The following CDH11 variants were observed in gnomAD, a reference collection of about 807,000 sequenced individuals.
CDH11 encodes cadherin-11.
CDH11 carries 11 observed loss-of-function variants against 67.8 expected under a neutral mutation model. The observed-to-expected ratio is 0.16, with a 90% CI of 0.10 to 0.27. The LOEUF (loss-of-function observed/expected upper bound fraction) is 0.27, where lower values mean the gene tolerates loss of function less well. Among genes scored for constraint, CDH11 ranks in the 10% least tolerant of loss-of-function variants. The probability of loss-of-function intolerance (pLI) is 1.00; values close to 1 mark genes in which losing one functional copy is unlikely to be tolerated. For missense variants in CDH11, 847 were observed against 1,031.2 expected, an observed-to-expected ratio of 0.82 and a Z score of 2.45; for synonymous variants, 419 against 400.0, an observed-to-expected ratio of 1.05 and a Z score of -0.57.
intron 2 of CDH11, among the ~76,000 whole-genome samples, chr16:65,007,401 A>G (rs2073082857): frequency 6.6e-6 from 1 of 152,170 alleles, no homozygotes; most frequent in South Asian, 2.1e-4. Context: ...TGGGAGAGAG[A>G]GAAAGATGGA....
At chr16:65,057,392 T>C (rs971892443) in intron 1 of CDH11, among the ~76,000 whole-genome samples, 53 of 152,318 alleles carry the variant, frequency 3.5e-4, no homozygotes, top group African/African-American at 1.2e-3. Context: ...CCTTCCATCA[T>C]TGTGCTTGGC....
chr16:65,004,151 A>G (rs1372624258), intron 3 of CDH11, among the ~76,000 whole-genome samples: 1 of 152,138 alleles, frequency 6.6e-6, no homozygotes, highest in Non-Finnish European at 1.5e-5. Flanking sequence ...AGGATCACTT[A>G]GGTCAGAGGT....
chr16:64,992,260 C>T (rs530743042), intron 5 of CDH11, among the ~76,000 whole-genome samples: 12 of 152,282 alleles, frequency 7.9e-5, no homozygotes, highest in African/African-American at 2.6e-4. Context: ...TAAACTCATA[C>T]TTTTTGACTT....
chr16:65,045,377 T>G lies in CDH11; in HGVS notation c.-173+8427A>C, dbSNP rs2073943991. On this transcript the variant is annotated intron_variant, in intron 2 of 12. Coordinates refer to ENST00000268603, the MANE Select transcript of CDH11 (RefSeq NM_001797.4). ...TATATATATATATATATATATGAAC[T>G]GTTGCTATGGCAGCCTAACAGCTTT... Among the ~76,000 whole-genome samples, 5 of 65,364 alleles carry G rather than the reference T, an allele frequency of 7.6e-5. 1 individual carries two copies. The highest frequency in any genetic ancestry group is 7.5e-4 in the Admixed American group (5 of 6,680). 42.9% of individuals were successfully genotyped at this position (65,364 alleles called of 152,430 possible).
intron 7 of CDH11, chr16:64,985,048 TG>T (rs2072451229): frequency 6.6e-6 from 1 of 152,212 alleles, no homozygotes; most frequent in Non-Finnish European, 1.5e-5. Context: ...CTGAGATAGA[TG>T]GGATTCCCAT....
intron 1 of CDH11, among the ~76,000 whole-genome samples, chr16:65,068,613 G>A (rs892012429): frequency 1.3e-5 from 2 of 152,014 alleles, no homozygotes; most frequent in African/African-American, 2.4e-5. Context: ...CACACTCATC[G>A]CCCAAAACCC....
At chr16:65,080,316 T>C (rs1023417027) in intron 1 of CDH11, among the ~76,000 whole-genome samples, 3 of 152,008 alleles carry the variant, frequency 2.0e-5, no homozygotes, top group African/African-American at 4.8e-5. Flanking sequence ...TTAATGTCTG[T>C]CTTCATTCTT....
chr16:65,008,145 C>A (rs979857170), intron 2 of CDH11, among the ~76,000 whole-genome samples: 22 of 152,212 alleles, frequency 1.4e-4, no homozygotes, highest in African/African-American at 5.1e-4. Context: ...TGCTGCAAAG[C>A]ACAATTATTT....
intron 8 of CDH11, among the ~76,000 whole-genome samples, chr16:64,976,486 A>T (rs1433783120): frequency 6.6e-6 from 1 of 152,214 alleles, no homozygotes; most frequent in African/African-American, 2.4e-5. Flanking sequence ...TTATATGTCC[A>T]AAGACTCAAA....
At chr16:65,056,220 CT>C (rs1206219265) in intron 1 of CDH11, among the ~76,000 whole-genome samples, 3 of 152,164 alleles carry the variant, frequency 2.0e-5, no homozygotes, top group Admixed American at 6.5e-5. Flanking sequence ...TATTACTGTG[CT>C]GTGAGAAAGC....
intron 1 of CDH11, among the ~76,000 whole-genome samples, chr16:65,064,795 G>T (rs1369859704): frequency 1.3e-5 from 2 of 152,106 alleles, no homozygotes; most frequent in Non-Finnish European, 2.9e-5. Flanking sequence ...TTTTTAAATA[G>T]CAGAAAGTAG....
intron 1 of CDH11, among the ~76,000 whole-genome samples, chr16:65,096,406 GGTGTGTGTGTGT>G (rs377132363): frequency 1.5e-5 from 2 of 134,034 alleles, no homozygotes; most frequent in African/African-American, 2.8e-5. Flanking sequence ...AATCTTTCGG[GGTGTGTGTGTGT>G]GTGTGTGTGT....
At chr16:65,062,915 C>T (rs544969916) in intron 1 of CDH11, among the ~76,000 whole-genome samples, 66 of 152,278 alleles carry the variant, frequency 4.3e-4, no homozygotes, top group East Asian at 5.8e-4. Context: ...GAGGGGCTGA[C>T]GTGAGCCAGG....
intron 11 of CDH11, among the ~76,000 whole-genome samples, chr16:64,951,561 C>T (rs942628981): frequency 1.3e-5 from 2 of 152,074 alleles, no homozygotes; most frequent in Non-Finnish European, 1.5e-5. Flanking sequence ...GCCTGTCACA[C>T]CATTTTCTGC....
intron 1 of CDH11, among the ~76,000 whole-genome samples, chr16:65,060,891 A>G (rs2074228466): frequency 6.6e-6 from 1 of 152,170 alleles, no homozygotes; most frequent in Non-Finnish European, 1.5e-5. Context: ...CAGCTTATGC[A>G]TCTGACTCCT....
At chr16:65,050,164 A>G (rs2074031109) in intron 2 of CDH11, among the ~76,000 whole-genome samples, 1 of 152,132 alleles carries the variant, frequency 6.6e-6, no homozygotes, top group African/African-American at 2.4e-5. Flanking sequence ...CCTGTGCTCT[A>G]CTGAAAACCC....
intron 2 of CDH11, among the ~76,000 whole-genome samples, chr16:65,048,856 G>T (rs568070310): frequency 6.6e-6 from 1 of 151,776 alleles, no homozygotes; most frequent in Middle Eastern, 3.4e-3. Context: ...CAGCCACAGA[G>T]AATATTACAC....
At chr16:65,030,341 C>A (rs895751569) in intron 2 of CDH11, among the ~76,000 whole-genome samples, 1 of 152,178 alleles carries the variant, frequency 6.6e-6, no homozygotes, top group African/African-American at 2.4e-5. Context: ...TCTAATCTAA[C>A]TCAAAATCCT....
chr16:65,042,073 T>A (rs530021012), intron 2 of CDH11, among the ~76,000 whole-genome samples: 34 of 152,352 alleles, frequency 2.2e-4, no homozygotes, highest in African/African-American at 7.5e-4. Context: ...GGCAAATGCT[T>A]AATAATTGGC....
Sources: gnomAD v4.1 joint callset for allele counts (sites outside exome capture counted in the v4.1 genomes callset) on GRCh38, gnomAD v4.1.1 for gene constraint, MANE v1.5 for transcripts, NCBI Gene and HGNC (gene_info 2026-07-23, HGNC 2026-07-21) for gene names.